The following C1QTNF3 variants were observed in gnomAD, a reference collection of about 807,000 sequenced individuals.
C1QTNF3 encodes the protein C1q and TNF related 3.
Under a neutral mutation model 32.6 loss-of-function variants are expected in C1QTNF3, and 26 were observed. The ratio of observed to expected loss-of-function variants is 0.80; its 90% CI spans 0.58 to 1.11. The LOEUF is 1.11. Among genes scored for constraint, C1QTNF3 ranks in the 50% least tolerant of loss-of-function variants. The pLI is 0.00. For missense variants in C1QTNF3, 362 were observed against 398.2 expected (o/e 0.91, Z 0.77); for synonymous variants, 155 against 146.0 (o/e 1.06, Z -0.44).
the C1QTNF3 span, chr5:34,167,609 T>C: frequency 3.9e-5 from 6 of 152,274 alleles, no homozygotes; most frequent in East Asian, 1.2e-3. Context: ...AGCAGCTCCG[T>C]GGAGCAAGGT....
the C1QTNF3 span, among the ~76,000 whole-genome samples, chr5:34,181,700 C>T: frequency 6.6e-6 from 1 of 152,306 alleles, no homozygotes; most frequent in South Asian, 2.1e-4. Context: ...TCTGTGCAGT[C>T]AGCCGCACCT....
At chr5:34,122,558 G>A in the C1QTNF3 span, among the ~76,000 whole-genome samples, 1 of 152,206 alleles carries the variant, frequency 6.6e-6, no homozygotes, top group Non-Finnish European at 1.5e-5. Flanking sequence ...GGTTCCTCTT[G>A]CCTGCTGATA....
intron 4 of C1QTNF3, among the ~76,000 whole-genome samples, chr5:34,024,761 T>C (rs1339830681): frequency 1.3e-5 from 2 of 152,206 alleles, no homozygotes; most frequent in African/African-American, 2.4e-5. Context: ...GCACACAAGA[T>C]ACTTTCACTG....
At chr5:34,051,586 A>G in the C1QTNF3 span, among the ~76,000 whole-genome samples, 17 of 152,230 alleles carry the variant, frequency 1.1e-4, no homozygotes. Context: ...AAATAAGGCA[A>G]TTGTAAGGGA....
At chr5:34,218,440 A>C in the C1QTNF3 span, 1 of 150,838 alleles carries the variant, frequency 6.6e-6, no homozygotes, top group South Asian at 2.1e-4. Context: ...GCAGGCCATC[A>C]TGACTGCTCT....
At chr5:34,207,731 A>G in the C1QTNF3 span, among the ~76,000 whole-genome samples, 1 of 152,148 alleles carries the variant, frequency 6.6e-6, no homozygotes, top group African/African-American at 2.4e-5. Context: ...TGGCTTGATA[A>G]CTTAAAGTAA....
chr5:34,033,139 G>T, intron 3 of C1QTNF3, 165 bp downstream of exon 3: 1 of 721,536 alleles, frequency 1.4e-6, no homozygotes, highest in South Asian at 1.8e-5. Context: ...CTTTTGGACA[G>T]TATGGGCCTT....
At chr5:34,177,298 G>A in the C1QTNF3 span, among the ~76,000 whole-genome samples, 2 of 152,066 alleles carry the variant, frequency 1.3e-5, no homozygotes, top group African/African-American at 2.4e-5. Context: ...GTGCAGACAT[G>A]GGGCATTTCC....
At chr5:34,232,577 T>C in the C1QTNF3 span, among the ~76,000 whole-genome samples, 1 of 152,096 alleles carries the variant, frequency 6.6e-6, no homozygotes, top group South Asian at 2.1e-4. Flanking sequence ...GATCTGATGG[T>C]TTAAAAGTGT....
chr5:34,027,023 G>A (rs1411822591), intron 4 of C1QTNF3, among the ~76,000 whole-genome samples: 1 of 152,184 alleles, frequency 6.6e-6, no homozygotes, highest in Non-Finnish European at 1.5e-5. Context: ...TTTAGTCATA[G>A]TATTGTACCT....
chr5:34,232,526 T>C, the C1QTNF3 span, among the ~76,000 whole-genome samples: 1 of 152,066 alleles, frequency 6.6e-6, no homozygotes, highest in African/African-American at 2.4e-5. Context: ...TGGGAGCAGA[T>C]TTCCACATGC....
At chr5:34,119,103 T>G in the C1QTNF3 span, among the ~76,000 whole-genome samples, 1 of 152,202 alleles carries the variant, frequency 6.6e-6, no homozygotes, top group African/African-American at 2.4e-5. Context: ...TTTTAAAAAT[T>G]GAAATAATGT....
chr5:34,067,431 A>C, the C1QTNF3 span, among the ~76,000 whole-genome samples: 1 of 152,232 alleles, frequency 6.6e-6, no homozygotes, highest in African/African-American at 2.4e-5. Flanking sequence ...AATTGGACTT[A>C]CAGTTCCACA....
At position 34,019,136 on chromosome 5, in the gene C1QTNF3, AAG is replaced by A. The variant is rs1754265539; in HGVS notation, c.*1445_*1446del. ...GCGTGAAACTGTCTCAAAAAAAAAAAAGATTTAGAATTTGCAAGTTTGTTTAT... is the reference window on the plus strand; with the variant it reads ...GCGTGAAACTGTCTCAAAAAAAAAAAATTTAGAATTTGCAAGTTTGTTTAT... On this transcript the variant is annotated 3_prime_UTR_variant, in exon 6 of 6. Coordinates refer to ENST00000382065, the MANE Select transcript of C1QTNF3 (RefSeq NM_181435.6). Among the ~76,000 whole-genome samples the A allele has an allele frequency of 6.6e-6, 1 of 151,948 alleles. No homozygotes were observed. The highest frequency in any genetic ancestry group is 2.1e-4 in the South Asian group (1 of 4,804).
the C1QTNF3 span, among the ~76,000 whole-genome samples, chr5:34,188,927 T>C: frequency 6.6e-6 from 1 of 151,908 alleles, no homozygotes; most frequent in South Asian, 2.1e-4. Context: ...GTGTCAAGGG[T>C]GGGGCCAGGT....
chr5:34,055,774 G>A, the C1QTNF3 span, among the ~76,000 whole-genome samples: 1 of 152,142 alleles, frequency 6.6e-6, no homozygotes, highest in Admixed American at 6.5e-5. Context: ...AAAACTCCAG[G>A]GGCAGACTCA....
At chr5:34,131,122 C>T in the C1QTNF3 span, among the ~76,000 whole-genome samples, 1 of 152,168 alleles carries the variant, frequency 6.6e-6, no homozygotes, top group Non-Finnish European at 1.5e-5. Flanking sequence ...TAATGTCAAA[C>T]TAGTAGTCCC....
the C1QTNF3 span, among the ~76,000 whole-genome samples, chr5:34,243,386 C>A: frequency 6.6e-6 from 1 of 152,152 alleles, no homozygotes; most frequent in Non-Finnish European, 1.5e-5. Context: ...GGTTCAGGTA[C>A]TGTGGAAAGT....
At chr5:34,114,606 C>T in the C1QTNF3 span, among the ~76,000 whole-genome samples, 1 of 151,980 alleles carries the variant, frequency 6.6e-6, no homozygotes, top group African/African-American at 2.4e-5. Flanking sequence ...CTTATTTTGA[C>T]AGATCATTTT....
Sources: gnomAD v4.1 joint callset for allele counts (sites outside exome capture counted in the v4.1 genomes callset) on GRCh38, gnomAD v4.1.1 for gene constraint, MANE v1.5 for transcripts, NCBI Gene and HGNC (gene_info 2026-07-23, HGNC 2026-07-21) for gene names.